CLEC4E: variants seen among roughly 807,000 people sequenced by gnomAD.
CLEC4E encodes the protein C-type lectin domain family 4 member E.
CLEC4E carries 21 observed loss-of-function variants against 24.7 expected under a neutral mutation model. The ratio of observed to expected loss-of-function variants is 0.85; its 90% confidence interval spans 0.60 to 1.22. The LOEUF (loss-of-function observed/expected upper bound fraction) is 1.22, where lower values mean the gene tolerates loss of function less well. CLEC4E is among the 50% of genes most tolerant of loss of function. The pLI, the probability that CLEC4E is intolerant of heterozygous loss-of-function variation, is 0.00. For synonymous variants in CLEC4E, 94 were observed against 85.7 expected (o/e 1.10, Z -0.54); for missense variants, 249 against 254.1 (o/e 0.98, Z 0.14).
chr12:8,534,963 C>A (rs1299621346), intron 5 of CLEC4E, among the ~76,000 whole-genome samples, 154 bp from the exon 6 acceptor site: 1 of 152,170 alleles, frequency 6.6e-6, no homozygotes, highest in Non-Finnish European at 1.5e-5. Flanking sequence ...GAAAAGGAAC[C>A]TCAGGAAGCT....
Position 8,540,836 on chromosome 12 carries a change from T to TCTCTC in CLEC4E, c.-40_-39insGAGAG. 1.5e-6 allele frequency: 2 copies of TCTCTC among 1,338,994 alleles called. No homozygotes were observed. Among genetic ancestry groups the TCTCTC allele is most frequent in the Non-Finnish European group, 2.2e-6 (2 of 930,194 alleles). 82.9% of individuals were successfully genotyped at this position (1,338,994 alleles called of 1,614,324 possible). A position where few individuals can be genotyped will look rare whatever the true frequency, so the allele number is the denominator to read the frequency against. On this transcript the variant is annotated 5_prime_UTR_variant, in exon 1 of 6. Transcript: ENST00000299663. The stretch of plus-strand genomic sequence containing the variant: ...TTGGTTTTTTGTTTCTCTCTCTCTC[T>TCTCTC]TTTTCTCTCCCTCCCTCTCTTTCTT...
intron 5 of CLEC4E, 86 bp from the exon 6 acceptor site, chr12:8,534,895 A>C: frequency 8.5e-7 from 1 of 1,174,640 alleles, no homozygotes; most frequent in Non-Finnish European, 1.2e-6. Context: ...CATTTGTGTT[A>C]TTTAACCTCA....
chr12:8,540,320 C>A (rs956342157), intron 1 of CLEC4E, among the ~76,000 whole-genome samples: 2 of 151,996 alleles, frequency 1.3e-5, no homozygotes, highest in African/African-American at 4.8e-5. Context: ...TTCTAAGGCC[C>A]CCCTTCTTTC....
Position 8,534,646 on chromosome 12 carries a change from A to G in CLEC4E, c.652T>C (p.Ser218Pro), listed in dbSNP as rs770254786. 1.9e-6 allele frequency: 3 copies of G among 1,612,696 alleles called. No individual in the cohort carries two copies. The African/African-American group carries it at 4.0e-5, about 22-fold the overall frequency. The part of the protein sequence containing the change: ...VGINPLNKGK[S>P]L ...AGTTGTGCCTTCTGTTCTTAAAGAG[A>G]TTTTCCTTTGTTCAAAGGATTTATT... Residue 218 changes from serine (S) to proline (P), a missense_variant, in exon 6 of 6, where the codon TCT (serine) becomes CCT (proline). Transcript: ENST00000299663.
Position 8,534,651 on chromosome 12 carries a change from C to G in CLEC4E, c.647G>C (p.Gly216Ala). 6.2e-7 allele frequency: 1 copy of G among 1,613,062 alleles called. No individual in the cohort carries two copies. Among genetic ancestry groups the G allele is most frequent in the Non-Finnish European group, 8.5e-7 (1 of 1,179,412 alleles). ...EMVGINPLNK[G>A]KSL ...TGCCTTCTGTTCTTAAAGAGATTTT[C>G]CTTTGTTCAAAGGATTTATTCCTAC... Residue 216 changes from glycine (G) to alanine (A), a missense_variant, in exon 6 of 6, where the codon GGA becomes GCA. Transcript: ENST00000299663.
In CLEC4E at chr12:8,533,753, A is replaced by C. The variant is rs922221386; in HGVS notation, c.*885T>G. 1 of 152,222 alleles carries C rather than the reference A, an allele frequency of 6.6e-6. No individual in the cohort carries two copies. The highest frequency in any genetic ancestry group is 1.5e-5 in the Non-Finnish European group (1 of 68,046). 9.4% of individuals were successfully genotyped at this position (152,222 alleles called of 1,614,324 possible). On this transcript the variant is annotated 3_prime_UTR_variant, in exon 6 of 6. Transcript: ENST00000299663. ...AAAACAATATTAGGCACTGGGCTTA[A>C]TACCTGGGTGATGAAATAATCTGTA...
chr12:8,537,951 G>A (rs1940637519), intron 3 of CLEC4E, among the ~76,000 whole-genome samples: 1 of 152,254 alleles, frequency 6.6e-6, no homozygotes, highest in Non-Finnish European at 1.5e-5. Context: ...CAGAAGACAA[G>A]AGTGCGAGCC....
intron 1 of CLEC4E, 30 bp from the exon 2 acceptor site, chr12:8,539,977 A>G (rs1196176779): frequency 7.6e-7 from 1 of 1,320,086 alleles, no homozygotes; most frequent in Admixed American, 1.7e-5. Flanking sequence ...AACATGATCA[A>G]TCTTCCCTAA....
rs1940575991 is a variant in CLEC4E at position 8,533,810 on chromosome 12, A to G, written c.*828T>C. The stretch of plus-strand genomic sequence containing the variant: ...ACCTCCACGACATGAGTTTACCTAT[A>G]TAAAAAGCCTTTAACATGTACCCCC... On this transcript the variant is annotated 3_prime_UTR_variant, in exon 6 of 6. Transcript: ENST00000299663. 6.6e-6 allele frequency: 1 copy of G among 152,244 alleles called. No individual in the cohort carries two copies. Among genetic ancestry groups the G allele is most frequent in the Admixed American group, 6.5e-5 (1 of 15,288 alleles). 9.4% of individuals were successfully genotyped at this position (152,244 alleles called of 1,614,324 possible). A position where few individuals can be genotyped will look rare whatever the true frequency, so the allele number is the denominator to read the frequency against.
chr12:8,540,836 T>TC lies in CLEC4E; in HGVS notation c.-40_-39insG. The TC allele has an allele frequency of 7.5e-7, 1 of 1,339,030 alleles. No individual in the cohort carries two copies. Among genetic ancestry groups the TC allele is most frequent in the Non-Finnish European group, 1.1e-6 (1 of 930,222 alleles). 82.9% of individuals were successfully genotyped at this position (1,339,030 alleles called of 1,614,324 possible). A position where few individuals can be genotyped will look rare whatever the true frequency, so the allele number is the denominator to read the frequency against. On this transcript the variant is annotated 5_prime_UTR_variant, in exon 1 of 6. Coordinates refer to ENST00000299663, the MANE Select transcript of CLEC4E (RefSeq NM_014358.4). The stretch of plus-strand genomic sequence containing the variant: ...TTGGTTTTTTGTTTCTCTCTCTCTC[T>TC]TTTTCTCTCCCTCCCTCTCTTTCTT...
chr12:8,536,080 G>C lies in CLEC4E; in HGVS notation c.488+10C>G, dbSNP rs765368499. On this transcript the variant is annotated intron_variant, in intron 5 of 5. Coordinates refer to ENST00000299663, the MANE Select transcript of CLEC4E (RefSeq NM_014358.4). ...GTTTCAAGAACTCCTCTCAATAGGA[G>C]GGTAATTACCTCAGAGACTTTGTCA... The C allele has an allele frequency of 7.1e-6, 11 of 1,553,354 alleles. No individual in the cohort carries two copies. In the African/African-American group the frequency reaches 1.5e-4, roughly 21 times the overall value.
intron 3 of CLEC4E, chr12:8,538,911 CGT>C (rs1491368857): frequency 2.5e-6 from 1 of 397,730 alleles, no homozygotes; most frequent in Non-Finnish European, 4.4e-6. Flanking sequence ...CTACTCCATA[CGT>C]TTTTTCTCCA....
At chr12:8,539,186 A>G in intron 3 of CLEC4E, 31 bp downstream of exon 3, 1 of 1,447,010 alleles carries the variant, frequency 6.9e-7, no homozygotes, top group Non-Finnish European at 9.7e-7. Context: ...TGCTTTGTAA[A>G]TTTTGATGTT....
At chr12:8,539,830 A>G in intron 2 of CLEC4E, 25 bp downstream of exon 2, 1 of 1,437,766 alleles carries the variant, frequency 7.0e-7, no homozygotes, top group Non-Finnish European at 9.8e-7. Context: ...GAAGAATTAA[A>G]TTGAATTTGA....
rs771639430 is a variant in CLEC4E, at chr12:8,540,710, C to T, written c.37+51G>A. 7.3e-6 allele frequency: 11 copies of T among 1,516,320 alleles called. No homozygotes were observed. In the South Asian group the frequency reaches 1.2e-4, roughly 17 times the overall value. The allele number at this position is 1,516,320 out of a possible 1,614,324, so 93.9% of individuals were successfully genotyped here. A position where few individuals can be genotyped will look rare whatever the true frequency, so the allele number is the denominator to read the frequency against. On this transcript the variant is annotated intron_variant, in intron 1 of 5. Coordinates refer to ENST00000299663, the MANE Select transcript of CLEC4E (RefSeq NM_014358.4). ...GTCCTGTCTTTCACCATATTTATCACTTGTTCCAAAAAGAGATCTATGGAA... is the reference window on the plus strand; with the variant it reads ...GTCCTGTCTTTCACCATATTTATCATTTGTTCCAAAAAGAGATCTATGGAA...
intron 3 of CLEC4E, 86 bp downstream of exon 3, chr12:8,539,131 C>T (rs771163685): frequency 1.1e-6 from 1 of 886,900 alleles, no homozygotes; most frequent in Non-Finnish European, 1.8e-6. Flanking sequence ...CCTAATCCAG[C>T]TATATCTCAC....
At position 8,536,139 on chromosome 12, in the gene CLEC4E, C is replaced by G; in HGVS notation, c.439G>C (p.Glu147Gln). Residue 147 changes from glutamate to glutamine, a missense_variant, in exon 5 of 6, where the codon GAG (glutamate) becomes CAG (glutamine). Glu to Gln is a conservative substitution (Grantham distance 29). Coordinates refer to ENST00000299663, the MANE Select transcript of CLEC4E (RefSeq NM_014358.4). ...CCGTCCACCCATTGCCACTGACCCTCGACAACCTGGTCTGACAGTCCAATA... is the reference window on the plus strand; with the variant it reads ...CCGTCCACCCATTGCCACTGACCCTGGACAACCTGGTCTGACAGTCCAATA... ...FFIGLSDQVV[E>Q]GQWQWVDGTP... 1 of 1,613,490 alleles carries G rather than the reference C, an allele frequency of 6.2e-7. No individual in the cohort carries two copies. The highest frequency in any genetic ancestry group is 8.5e-7 in the Non-Finnish European group (1 of 1,179,598).
chr12:8,536,403 A>C (rs4242896), intron 4 of CLEC4E, among the ~76,000 whole-genome samples, 198 bp from the exon 5 acceptor site: 78,465 of 151,852 alleles, frequency 0.52, 20,936 homozygotes, highest in South Asian at 0.69. Flanking sequence ...TAAAAGTATA[A>C]AAAAATTTGC....
Position 8,540,801 on chromosome 12 carries a change from TTC to T in CLEC4E, c.-6_-5del, listed in dbSNP as rs757123236. On this transcript the variant is annotated 5_prime_UTR_variant, in exon 1 of 6. Transcript: ENST00000299663. Reference sequence around the variant, plus strand: ...CAGATGATTTAGATGAATTCATTTTTTCTCTCTCTTTGGTTTTTTGTTTCTCT... The same window carrying T: ...CAGATGATTTAGATGAATTCATTTTTTCTCTCTTTGGTTTTTTGTTTCTCT... 8.3e-5 allele frequency: 133 copies of T among 1,602,258 alleles called. No individual in the cohort carries two copies. The highest frequency in any genetic ancestry group is 3.3e-4 in the Middle Eastern group (2 of 5,986).
Sources: allele counts gnomAD v4.1 joint callset (sites outside exome capture counted in the v4.1 genomes callset), GRCh38; gene constraint gnomAD v4.1.1; transcripts MANE v1.5; gene names NCBI Gene and HGNC (gene_info 2026-07-23, HGNC 2026-07-21).